C3orf20: variants seen among roughly 807,000 people sequenced by gnomAD.
The protein encoded by C3orf20 is family with sequence similarity 149 member C.
Under a neutral mutation model 88.3 loss-of-function variants are expected in C3orf20, and 76 were observed. The observed-to-expected ratio is 0.86, with a 90% CI of 0.72 to 1.04. The LOEUF is 1.04. Ranked by LOEUF, C3orf20 falls within the 50% of genes least tolerant of loss-of-function variation. C3orf20 has a pLI of 0.00. For synonymous variants in C3orf20, 436 were observed against 437.4 expected, an observed-to-expected ratio of 1.00 and a Z score of 0.04; for missense variants, 1,056 against 1,123.3, an observed-to-expected ratio of 0.94 and a Z score of 0.86.
At chr3:14,692,864 G>A (rs777733611) in intron 5 of C3orf20, among the ~76,000 whole-genome samples, 1 of 152,122 alleles carries the variant, frequency 6.6e-6, no homozygotes, top group Non-Finnish European at 1.5e-5. Flanking sequence ...AATAGTTTGT[G>A]GCCTGAGATT....
At chr3:14,744,545 C>G (rs540217758) in intron 12 of C3orf20, among the ~76,000 whole-genome samples, 2 of 151,962 alleles carry the variant, frequency 1.3e-5, no homozygotes, top group African/African-American at 4.9e-5. Context: ...CAGCAATGCC[C>G]CACTCTACTG....
chr3:14,732,159 A>G (rs2034556237), intron 12 of C3orf20, among the ~76,000 whole-genome samples: 2 of 152,322 alleles, frequency 1.3e-5, no homozygotes, highest in African/African-American at 2.4e-5. Context: ...AGCACTTGAT[A>G]TTGTTGGGGT....
intron 10 of C3orf20, 84 bp from the exon 11 acceptor site, chr3:14,726,817 G>T: frequency 6.3e-7 from 1 of 1,585,288 alleles, no homozygotes; most frequent in South Asian, 1.1e-5. Flanking sequence ...CCTCTGAACC[G>T]GAGCAAGTCT....
intron 1 of C3orf20, among the ~76,000 whole-genome samples, chr3:14,677,678 T>G (rs1194620974): frequency 6.6e-6 from 1 of 152,068 alleles, no homozygotes; most frequent in Non-Finnish European, 1.5e-5. Flanking sequence ...TTTTTGTATT[T>G]TTACTGGAGA....
Position 14,682,603 on chromosome 3 carries a change from G to C in C3orf20, c.-111G>C. 1 of 1,382,910 alleles carries C rather than the reference G, an allele frequency of 7.2e-7. No individual in the cohort carries two copies. Among genetic ancestry groups the C allele is most frequent in the Non-Finnish European group, 9.8e-7 (1 of 1,024,430 alleles). 85.7% of individuals were successfully genotyped at this position (1,382,910 alleles called of 1,614,324 possible). On this transcript the variant is annotated 5_prime_UTR_variant, in exon 3 of 17. Transcript: ENST00000253697. Reference sequence around the variant, plus strand: ...GAACCACTGGCTCAATGACCTGTAAGGGCCGTTTCAGCACATCCATTCTGT... The same window carrying C: ...GAACCACTGGCTCAATGACCTGTAACGGCCGTTTCAGCACATCCATTCTGT...
At chr3:14,748,868 A>G (rs1322774339) in intron 12 of C3orf20, among the ~76,000 whole-genome samples, 2 of 152,144 alleles carry the variant, frequency 1.3e-5, no homozygotes, top group Admixed American at 6.5e-5. Flanking sequence ...TTGTGGTCTC[A>G]TATATAGTCT....
At chr3:14,713,309 G>A (rs757896039) in intron 7 of C3orf20, among the ~76,000 whole-genome samples, 60 of 151,900 alleles carry the variant, frequency 3.9e-4, no homozygotes, top group Non-Finnish European at 1.6e-4. Flanking sequence ...ATGCTTGATG[G>A]CCTCCCACAG....
At chr3:14,748,309 A>G (rs559934380) in intron 12 of C3orf20, among the ~76,000 whole-genome samples, 8 of 152,184 alleles carry the variant, frequency 5.3e-5, no homozygotes, top group African/African-American at 1.7e-4. Flanking sequence ...GGTTGGTAAT[A>G]ATGACCCACT....
Position 14,761,486 on chromosome 3 carries a change from G to A in C3orf20, c.2366G>A (p.Gly789Glu), listed in dbSNP as rs2035560707. The change falls in exon 15 of 17, where the codon GGG (glycine) becomes GAG (glutamate). Residue 789 changes from glycine (G) to glutamate (E), a missense_variant. Coordinates refer to ENST00000253697, the MANE Select transcript of C3orf20 (RefSeq NM_032137.5). The part of the protein sequence containing the change: ...VQGMILMFAG[G>E]KLIFGGRVLN... ...TCCTGTCAACAGATGTTTGCCGGGG[G>A]GAAGCTCATTTTTGGGGGCCGTGTT... 1.9e-6 allele frequency: 3 copies of A among 1,614,038 alleles called. No homozygotes were observed. Among genetic ancestry groups the A allele is most frequent in the Non-Finnish European group, 2.5e-6 (3 of 1,180,002 alleles).
intron 12 of C3orf20, among the ~76,000 whole-genome samples, chr3:14,729,376 G>A (rs1170476661): frequency 6.6e-6 from 1 of 152,218 alleles, no homozygotes; most frequent in African/African-American, 2.4e-5. Flanking sequence ...AGGCACTGAG[G>A]CAGGAGTGAG....
chr3:14,754,281 A>G (rs2035299728), intron 12 of C3orf20, among the ~76,000 whole-genome samples: 1 of 152,182 alleles, frequency 6.6e-6, no homozygotes, highest in African/African-American at 2.4e-5. Context: ...AGCCCTGAGA[A>G]TGTTGCGAGT....
intron 12 of C3orf20, among the ~76,000 whole-genome samples, chr3:14,744,050 C>T (rs745471552): frequency 6.6e-5 from 10 of 152,082 alleles, no homozygotes; most frequent in African/African-American, 2.4e-4. Context: ...CTGCAGCCAA[C>T]TTGAATTTCT....
At chr3:14,688,054 T>A (rs373294633) in intron 4 of C3orf20, among the ~76,000 whole-genome samples, 2 of 152,124 alleles carry the variant, frequency 1.3e-5, no homozygotes, top group African/African-American at 4.8e-5. Context: ...GAAGGAGTGA[T>A]CCATTTATTT....
chr3:14,704,643 T>G, intron 7 of C3orf20, 25 bp downstream of exon 7: 1 of 1,606,406 alleles, frequency 6.2e-7, no homozygotes, highest in Admixed American at 1.7e-5. Context: ...GGTACCACCC[T>G]ATCTCCCCAG....
chr3:14,695,901 T>A (rs551361847), intron 5 of C3orf20, among the ~76,000 whole-genome samples: 1 of 152,128 alleles, frequency 6.6e-6, no homozygotes, highest in South Asian at 2.1e-4. Context: ...GTGCTTCTGA[T>A]CATGGGGTCT....
chr3:14,753,351 T>C (rs779195562), intron 12 of C3orf20, among the ~76,000 whole-genome samples: 3 of 152,036 alleles, frequency 2.0e-5, no homozygotes, highest in Admixed American at 6.6e-5. Context: ...GGTCAGGGGC[T>C]GGGGGAGGGA....
chr3:14,769,690 A>G (rs561243793), intron 15 of C3orf20, among the ~76,000 whole-genome samples: 5 of 152,222 alleles, frequency 3.3e-5, no homozygotes, highest in African/African-American at 1.2e-4. Context: ...GGAACCACAC[A>G]CTGGCTTTAA....
At chr3:14,721,982 C>A (rs536998163) in intron 10 of C3orf20, 198 bp downstream of exon 10, 15 of 604,730 alleles carry the variant, frequency 2.5e-5, no homozygotes, top group South Asian at 1.1e-4. Flanking sequence ...AAGGGTCTTC[C>A]AGTTGTAAGT....
At chr3:14,736,333 C>A (rs537025095) in intron 12 of C3orf20, among the ~76,000 whole-genome samples, 1 of 151,784 alleles carries the variant, frequency 6.6e-6, no homozygotes, top group African/African-American at 2.4e-5. Flanking sequence ...CTCTGTTGCC[C>A]AGGCTAGAGT....
Sources: allele counts gnomAD v4.1 joint callset (sites outside exome capture counted in the v4.1 genomes callset), GRCh38; gene constraint gnomAD v4.1.1; transcripts MANE v1.5; gene names NCBI Gene and HGNC (gene_info 2026-07-23, HGNC 2026-07-21).